Variants in MAGI2 observed in about 807,000 individuals in gnomAD.
MAGI2 encodes the protein membrane-associated guanylate kinase, WW and PDZ domain-containing protein 2.
A neutral mutation model predicts 133.3 loss-of-function variants in MAGI2; 35 were observed. The ratio of observed to expected loss-of-function variants is 0.26; its 90% CI spans 0.20 to 0.35. The LOEUF is 0.35. Among genes scored for constraint, MAGI2 ranks in the 10% least tolerant of loss-of-function variants. The pLI is 1.00. For missense variants in MAGI2, 1,636 were observed against 1,863.4 expected, an observed-to-expected ratio of 0.88 and a Z score of 2.25; for synonymous variants, 729 against 710.6, an observed-to-expected ratio of 1.03 and a Z score of -0.41.
At chr7:78,919,635 G>A (rs1025783414) in intron 2 of MAGI2, among the ~76,000 whole-genome samples, 1 of 152,044 alleles carries the variant, frequency 6.6e-6, no homozygotes, top group Admixed American at 6.6e-5. Context: ...TGGACTTGTA[G>A]AACATTTTAA....
chr7:79,067,760 G>A (rs1814516228), intron 1 of MAGI2, among the ~76,000 whole-genome samples: 1 of 152,016 alleles, frequency 6.6e-6, no homozygotes, highest in African/African-American at 2.4e-5. Flanking sequence ...ATAGCTCTTA[G>A]TATTTTGAGA....
At chr7:78,971,699 T>C (rs888081475) in intron 2 of MAGI2, among the ~76,000 whole-genome samples, 5 of 151,996 alleles carry the variant, frequency 3.3e-5, no homozygotes, top group Non-Finnish European at 4.4e-5. Flanking sequence ...AACGTGAATT[T>C]GGGAGCCAAA....
At chr7:78,603,285 G>A (rs1805407460) in intron 3 of MAGI2, among the ~76,000 whole-genome samples, 1 of 152,184 alleles carries the variant, frequency 6.6e-6, no homozygotes, top group African/African-American at 2.4e-5. Flanking sequence ...TCTTAAAGGA[G>A]GAAGTAATGA....
chr7:79,341,090 G>A (rs1176441882), intron 1 of MAGI2, among the ~76,000 whole-genome samples: 1 of 152,114 alleles, frequency 6.6e-6, no homozygotes, highest in Non-Finnish European at 1.5e-5. Flanking sequence ...CTTAAATCTG[G>A]AGTTACATAG....
At chr7:78,841,554 T>C (rs1282344489) in intron 2 of MAGI2, among the ~76,000 whole-genome samples, 1 of 151,336 alleles carries the variant, frequency 6.6e-6, no homozygotes, top group Non-Finnish European at 1.5e-5. Flanking sequence ...TCTTGTACTT[T>C]GACAACTCCT....
chr7:78,847,974 T>C (rs965399095), intron 2 of MAGI2, among the ~76,000 whole-genome samples: 1 of 151,918 alleles, frequency 6.6e-6, no homozygotes, highest in Non-Finnish European at 1.5e-5. Flanking sequence ...ACCAGCAAAA[T>C]GAACACAGAC....
intron 3 of MAGI2, among the ~76,000 whole-genome samples, chr7:78,569,125 AACAC>A (rs56351234): frequency 2.9e-4 from 43 of 148,032 alleles, no homozygotes; most frequent in South Asian, 1.7e-3. Context: ...TGTGCATGCC[AACAC>A]ACACACACAC....
chr7:79,379,734 G>A (rs1843649761), intron 1 of MAGI2, among the ~76,000 whole-genome samples: 1 of 151,422 alleles, frequency 6.6e-6, no homozygotes, highest in Non-Finnish European at 1.5e-5. Context: ...ATTTTTTCAT[G>A]TGTCTTTTGG....
At chr7:78,364,850 G>A (rs1793208772) in intron 7 of MAGI2, among the ~76,000 whole-genome samples, 1 of 152,228 alleles carries the variant, frequency 6.6e-6, no homozygotes. Flanking sequence ...TTTATGAACA[G>A]TGACAGTTAC....
intron 2 of MAGI2, among the ~76,000 whole-genome samples, chr7:78,746,131 T>C (rs1199792193): frequency 6.6e-6 from 1 of 152,218 alleles, no homozygotes; most frequent in Admixed American, 6.5e-5. Flanking sequence ...CATAATTAAA[T>C]GATCCCTTTT....
chr7:78,319,929 A>G (rs1382091898), intron 9 of MAGI2, among the ~76,000 whole-genome samples: 1 of 152,220 alleles, frequency 6.6e-6, no homozygotes, highest in South Asian at 2.1e-4. Context: ...GCAATAAAAT[A>G]TGATAAAGGG....
At chr7:78,803,077 C>G (rs895569002) in intron 2 of MAGI2, among the ~76,000 whole-genome samples, 21 of 151,980 alleles carry the variant, frequency 1.4e-4, no homozygotes, top group African/African-American at 4.3e-4. Flanking sequence ...CACGTATTTG[C>G]ATATCATAAT....
chr7:78,631,261 C>A (rs572137040), intron 2 of MAGI2, among the ~76,000 whole-genome samples: 4 of 152,298 alleles, frequency 2.6e-5, no homozygotes, highest in South Asian at 4.1e-4. Flanking sequence ...AGTCACCTAC[C>A]TTTGAGTCCT....
intron 4 of MAGI2, among the ~76,000 whole-genome samples, chr7:78,510,023 G>T (rs1433628605): frequency 6.6e-6 from 1 of 151,920 alleles, no homozygotes; most frequent in Non-Finnish European, 1.5e-5. Context: ...TTTTCTCCTT[G>T]TCTTCATATT....
intron 20 of MAGI2, among the ~76,000 whole-genome samples, chr7:78,121,222 C>A (rs1427266299): frequency 2.3e-5 from 3 of 129,950 alleles, no homozygotes; most frequent in African/African-American, 8.6e-5. Context: ...ACACAGAAAG[C>A]AGAAACTATA....
rs532763539 is a variant in MAGI2, at chr7:78,850,521, G to C, written c.418+156569C>G. On this transcript the variant is annotated intron_variant, in intron 2 of 21. Transcript: ENST00000354212. ...CTAACTCTGTTGTGCTGAGGAAGTG[G>C]CTATTTCGTATCCTTTTAGTGATAC... 3.9e-5 allele frequency among the ~76,000 whole-genome samples: 6 copies of C among 152,174 alleles called. No homozygotes were observed. The South Asian group carries it at 1.2e-3, about 32-fold the overall frequency.
chr7:78,563,592 C>T (rs117109837), intron 3 of MAGI2, among the ~76,000 whole-genome samples: 269 of 152,346 alleles, frequency 1.8e-3, no homozygotes, highest in Non-Finnish European at 3.0e-3. Flanking sequence ...CCCCAGTCAT[C>T]CACAGCCATG....
At chr7:79,298,422 G>C (rs1009465473) in intron 1 of MAGI2, among the ~76,000 whole-genome samples, 2 of 151,884 alleles carry the variant, frequency 1.3e-5, no homozygotes, top group Non-Finnish European at 2.9e-5. Context: ...GTTCTTTTAG[G>C]AACAAGCTAG....
chr7:78,706,841 G>A (rs978632136), intron 2 of MAGI2, among the ~76,000 whole-genome samples: 2 of 151,926 alleles, frequency 1.3e-5, no homozygotes, highest in African/African-American at 4.8e-5. Context: ...TAGGGCATTA[G>A]AAATGGGAAA....
Sources: allele counts gnomAD v4.1 joint callset (sites outside exome capture counted in the v4.1 genomes callset), GRCh38; gene constraint gnomAD v4.1.1; transcripts MANE v1.5; gene names NCBI Gene and HGNC (gene_info 2026-07-23, HGNC 2026-07-21).